The following KIRREL3 variants were observed in gnomAD, a reference collection of about 807,000 sequenced individuals.
KIRREL3 encodes kirre like nephrin family adhesion molecule 3, also known as kin of IRRE-like protein 3.
In KIRREL3, 36 loss-of-function variants were observed where a neutral mutation model predicts 89.7. That is an observed-to-expected ratio of 0.40 (90% CI 0.31 to 0.53). The LOEUF (loss-of-function observed/expected upper bound fraction) is 0.53. Ranked by LOEUF, KIRREL3 falls within the 20% of genes least tolerant of loss-of-function variation. KIRREL3 has a pLI of 0.49. For synonymous variants in KIRREL3, 445 were observed against 441.4 expected, an observed-to-expected ratio of 1.01 and a Z score of -0.10; for missense variants, 864 against 1,056.6, an observed-to-expected ratio of 0.82 and a Z score of 2.53.
intron 1 of KIRREL3, among the ~76,000 whole-genome samples, chr11:126,732,577 C>T (rs1316857674): frequency 3.3e-5 from 5 of 152,220 alleles, no homozygotes; most frequent in Non-Finnish European, 4.4e-5. Flanking sequence ...AAAGTGTAGT[C>T]AGCTGCAGAG....
chr11:126,918,384 C>T lies in KIRREL3; in HGVS notation c.55+82071G>A, dbSNP rs140010593. On this transcript the variant is annotated intron_variant, in intron 1 of 16. Transcript: ENST00000525144. This position sits in a 1 kb window ranked among gnomAD's most constrained non-coding sequence, Gnocchi z 6.5. ...TTGGCAATTTGGTGCCGAATATTTA[C>T]GACAGTGCTTTAGACCATCCAGGTA... Among the ~76,000 whole-genome samples, 311 of 152,308 alleles carry T rather than the reference C, an allele frequency of 2.0e-3. 1 individual carries two copies. In the Middle Eastern group the frequency reaches 0.041, roughly 20 times the overall value.
chr11:126,694,555 G>A lies in KIRREL3; in HGVS notation c.56-131643C>T, dbSNP rs1008486613. Among the ~76,000 whole-genome samples the A allele has an allele frequency of 6.6e-6, 1 of 152,134 alleles. No homozygotes were observed. Among genetic ancestry groups the A allele is most frequent in the African/African-American group, 2.4e-5 (1 of 41,412 alleles). ...GGAATGCTGTTCTAGGGCAGGTTTG[G>A]GGGTGCTGACTAGGCCTTCACACAA... On this transcript the variant is annotated intron_variant, in intron 1 of 16. Coordinates refer to ENST00000525144, the MANE Select transcript of KIRREL3 (RefSeq NM_032531.4). The surrounding 1 kb of genome is among the most constrained non-coding windows in gnomAD (Gnocchi z 4.4).
In KIRREL3 at chr11:126,977,369, C is replaced by A. The variant is rs1949607881; in HGVS notation, c.55+23086G>T. Among the ~76,000 whole-genome samples the A allele has an allele frequency of 6.6e-6, 1 of 152,152 alleles. No homozygotes were observed. Among genetic ancestry groups the A allele is most frequent in the African/African-American group, 2.4e-5 (1 of 41,434 alleles). On this transcript the variant is annotated intron_variant, in intron 1 of 16. Coordinates refer to ENST00000525144, the MANE Select transcript of KIRREL3 (RefSeq NM_032531.4). This position sits in a 1 kb window ranked among gnomAD's most constrained non-coding sequence, Gnocchi z 4.7. Reference sequence around the variant, plus strand: ...CACTGAAGCTGCCATCTTTCTTGAGCCACCTTTCTTTTTCATCACCCAGCT... The same window carrying A: ...CACTGAAGCTGCCATCTTTCTTGAGACACCTTTCTTTTTCATCACCCAGCT...
rs1001825767 is a variant in KIRREL3 at position 126,795,790 on chromosome 11, A to G, written c.55+204665T>C. Among the ~76,000 whole-genome samples, 1 of 152,148 alleles carries G rather than the reference A, an allele frequency of 6.6e-6. No homozygotes were observed. The highest frequency in any genetic ancestry group is 2.4e-5 in the African/African-American group (1 of 41,428). The stretch of plus-strand genomic sequence containing the variant: ...TTAAAAAGAATTACAGAGCCACTTC[A>G]ACCACCAGTTCTTCTTCCCCCTGTG... On this transcript the variant is annotated intron_variant, in intron 1 of 16. Coordinates refer to ENST00000525144, the MANE Select transcript of KIRREL3 (RefSeq NM_032531.4). The surrounding 1 kb of genome is among the most constrained non-coding windows in gnomAD (Gnocchi z 4.1).
chr11:126,675,576 C>T (rs985108405), intron 1 of KIRREL3, among the ~76,000 whole-genome samples: 2 of 152,032 alleles, frequency 1.3e-5, no homozygotes, highest in Non-Finnish European at 2.9e-5. Flanking sequence ...TGGTGGAGAC[C>T]AAGAGGTCAA....
At position 126,817,662 on chromosome 11, in the gene KIRREL3, G is replaced by C. The variant is rs1951618877; in HGVS notation, c.55+182793C>G. On this transcript the variant is annotated intron_variant, in intron 1 of 16. Transcript: ENST00000525144. The surrounding 1 kb of genome is among the most constrained non-coding windows in gnomAD (Gnocchi z 5.7). ...AAAATGACATGCAGAAGAGCAATGAGACCAATGCCAGATCCCAGAGGGGTC... is the reference window on the plus strand; with the variant it reads ...AAAATGACATGCAGAAGAGCAATGACACCAATGCCAGATCCCAGAGGGGTC... Among the ~76,000 whole-genome samples the C allele has an allele frequency of 6.6e-6, 1 of 152,204 alleles. No individual in the cohort carries two copies. Among genetic ancestry groups the C allele is most frequent in the African/African-American group, 2.4e-5 (1 of 41,456 alleles).
chr11:126,440,603 C>T (rs1201546144), intron 10 of KIRREL3, 54 bp from the exon 11 acceptor site: 1 of 1,481,502 alleles, frequency 6.7e-7, no homozygotes, highest in Non-Finnish European at 9.2e-7. Flanking sequence ...TCCCTGCTGG[C>T]GCCCTCTTGG....
At position 126,766,946 on chromosome 11, in the gene KIRREL3, G is replaced by A. The variant is rs1949843066; in HGVS notation, c.56-204034C>T. On this transcript the variant is annotated intron_variant, in intron 1 of 16. Coordinates refer to ENST00000525144, the MANE Select transcript of KIRREL3 (RefSeq NM_032531.4). The surrounding 1 kb of genome is among the most constrained non-coding windows in gnomAD (Gnocchi z 4.2). ...AAGAGCTAGTCATGTTTGACCACAA[G>A]AGCCTGGTCTAGGCACATAGATTAG... Among the ~76,000 whole-genome samples, 1 of 152,244 alleles carries A rather than the reference G, an allele frequency of 6.6e-6. No homozygotes were observed. Among genetic ancestry groups the A allele is most frequent in the South Asian group, 2.1e-4 (1 of 4,830 alleles).
chr11:126,438,785 G>A lies in KIRREL3; in HGVS notation c.1353+1664C>T, dbSNP rs574451240. Among the ~76,000 whole-genome samples the A allele has an allele frequency of 4.6e-5, 7 of 152,338 alleles. No individual in the cohort carries two copies. The South Asian group carries it at 8.3e-4, about 18-fold the overall frequency. On this transcript the variant is annotated intron_variant, in intron 11 of 16. Coordinates refer to ENST00000525144, the MANE Select transcript of KIRREL3 (RefSeq NM_032531.4). ...GAATGAACTGAATGCTTGAGAAAGC[G>A]TGTAGCAGCAATAATACTCTAATAA...
Position 126,455,620 on chromosome 11 carries a change from C to G in KIRREL3, c.848+729G>C, listed in dbSNP as rs1019351937. On this transcript the variant is annotated intron_variant, in intron 7 of 16. Coordinates refer to ENST00000525144, the MANE Select transcript of KIRREL3 (RefSeq NM_032531.4). The surrounding 1 kb of genome is among the most constrained non-coding windows in gnomAD (Gnocchi z 6.4). ...TGGCTAACACGGTGAAACGCTGTCT[C>G]TACTAAAAATACAAAAAAAAAAAAA... Among the ~76,000 whole-genome samples, 2 of 133,144 alleles carry G rather than the reference C, an allele frequency of 1.5e-5. No homozygotes were observed. The allele number at this position is 133,144 out of a possible 152,430, so 87.3% of individuals were successfully genotyped here.
At chr11:126,507,346 TAG>T (rs1166743825) in intron 4 of KIRREL3, among the ~76,000 whole-genome samples, 1 of 152,186 alleles carries the variant, frequency 6.6e-6, no homozygotes. Flanking sequence ...AATGATAATG[TAG>T]AGTTTACCCA....
At chr11:126,804,092 T>A (rs1226635890) in intron 1 of KIRREL3, among the ~76,000 whole-genome samples, 1 of 152,230 alleles carries the variant, frequency 6.6e-6, no homozygotes, top group African/African-American at 2.4e-5. Flanking sequence ...GTGTGTGTGT[T>A]TCAGACACTC....
rs191733503 is a variant in KIRREL3 at position 126,650,142 on chromosome 11, C to A, written c.56-87230G>T. Among the ~76,000 whole-genome samples, 25 of 152,346 alleles carry A rather than the reference C, an allele frequency of 1.6e-4. No homozygotes were observed. The East Asian group carries it at 2.9e-3, about 18-fold the overall frequency. On this transcript the variant is annotated intron_variant, in intron 1 of 16. Coordinates refer to ENST00000525144, the MANE Select transcript of KIRREL3 (RefSeq NM_032531.4). ...GGGCACCAAGTCCCTAGGCTGCACA[C>A]AGCGTGGGGACCCTGGGCCCGTCCC...
intron 1 of KIRREL3, among the ~76,000 whole-genome samples, chr11:126,838,859 C>T (rs761759150): frequency 9.2e-5 from 14 of 152,026 alleles, no homozygotes; most frequent in East Asian, 1.9e-4. Flanking sequence ...AGTTTTAATG[C>T]CTCTAGGTAG....
rs1410346315 is a variant in KIRREL3, at chr11:126,651,419, A to G, written c.56-88507T>C. Among the ~76,000 whole-genome samples the G allele has an allele frequency of 2.6e-5, 4 of 152,360 alleles. No individual in the cohort carries two copies. The highest frequency in any genetic ancestry group is 7.2e-5 in the African/African-American group (3 of 41,586). On this transcript the variant is annotated intron_variant, in intron 1 of 16. Transcript: ENST00000525144. The surrounding 1 kb of genome is among the most constrained non-coding windows in gnomAD (Gnocchi z 4.6). ...ACCATGCATGCTCTTTCCAGATATC[A>G]GTGGACAGCATCCAGGGGGGCAGAG...
rs556455444 is a variant in KIRREL3, at chr11:126,614,797, T to C, written c.56-51885A>G. On this transcript the variant is annotated intron_variant, in intron 1 of 16. Coordinates refer to ENST00000525144, the MANE Select transcript of KIRREL3 (RefSeq NM_032531.4). This position sits in a 1 kb window ranked among gnomAD's most constrained non-coding sequence, Gnocchi z 4.6. ...GACTCTGGGGAGATCCTGAATGGAA[T>C]TGAATTTCTCTTAGTATCAGGTCTG... Among the ~76,000 whole-genome samples the C allele has an allele frequency of 2.6e-5, 4 of 152,308 alleles. No homozygotes were observed. Among genetic ancestry groups the C allele is most frequent in the Admixed American group, 6.5e-5 (1 of 15,304 alleles).
Position 126,991,250 on chromosome 11 carries a change from C to T in KIRREL3, c.55+9205G>A, listed in dbSNP as rs1467124787. Among the ~76,000 whole-genome samples, 1 of 152,118 alleles carries T rather than the reference C, an allele frequency of 6.6e-6. No homozygotes were observed. Among genetic ancestry groups the T allele is most frequent in the African/African-American group, 2.4e-5 (1 of 41,412 alleles). Reference sequence around the variant, plus strand: ...CACTTCACTTAGTCAGGTTCTTCTTCTGCCTCCTGCCAGGGGCCCTCTCAG... The same window carrying T: ...CACTTCACTTAGTCAGGTTCTTCTTTTGCCTCCTGCCAGGGGCCCTCTCAG... On this transcript the variant is annotated intron_variant, in intron 1 of 16. Transcript: ENST00000525144. The surrounding 1 kb of genome is among the most constrained non-coding windows in gnomAD (Gnocchi z 5.8).
At chr11:126,500,227 G>A (rs1957811738) in intron 4 of KIRREL3, among the ~76,000 whole-genome samples, 1 of 152,224 alleles carries the variant, frequency 6.6e-6, no homozygotes, top group Non-Finnish European at 1.5e-5. Flanking sequence ...AAAGCCACCT[G>A]ATGTGAGGCT....
intron 1 of KIRREL3, among the ~76,000 whole-genome samples, chr11:126,690,827 A>T (rs1946850050): frequency 6.6e-6 from 1 of 152,058 alleles, no homozygotes; most frequent in Non-Finnish European, 1.5e-5. Flanking sequence ...GCACTGGGGG[A>T]TTTTCTGTGA....
Sources: gnomAD v4.1 joint callset for allele counts (sites outside exome capture counted in the v4.1 genomes callset) on GRCh38, gnomAD v4.1.1 for gene constraint, Gnocchi (gnomAD v3.1) non-coding constraint, MANE v1.5 for transcripts, NCBI Gene and HGNC (gene_info 2026-07-23, HGNC 2026-07-21) for gene names.